The following SLC22A4 variants were observed in gnomAD, a reference collection of about 807,000 sequenced individuals.
SLC22A4 encodes solute carrier family 22 member 4, also known as ET transporter.
In SLC22A4, 39 loss-of-function variants were observed where a neutral mutation model predicts 56.6. That is an observed-to-expected ratio of 0.69 (90% confidence interval 0.53 to 0.90). The LOEUF (loss-of-function observed/expected upper bound fraction) is 0.90. Among genes scored for constraint, SLC22A4 ranks in the 40% least tolerant of loss-of-function variants. The pLI, the probability that SLC22A4 is intolerant of heterozygous loss-of-function variation, is 0.00. For synonymous variants in SLC22A4, 241 were observed against 281.4 expected, an observed-to-expected ratio of 0.86 and a Z score of 1.44; for missense variants, 594 against 696.5, an observed-to-expected ratio of 0.85 and a Z score of 1.66.
Position 132,335,920 on chromosome 5 carries a change from T to C in SLC22A4, c.1364T>C (p.Leu455Pro). Residue 455 changes from leucine (L) to proline (P), a missense_variant, in exon 8 of 10, where the codon CTG (leucine) becomes CCG (proline). Coordinates refer to ENST00000200652, the MANE Select transcript of SLC22A4 (RefSeq NM_003059.3). ...TTCACTGCTGAGCTCTACCCAACCC[T>C]GGTCAGGAACATGGCGGTGGGGGTC... ...YVFTAELYPTLVRNMAVGVTS... is the reference protein window; with the variant it reads ...YVFTAELYPTPVRNMAVGVTS... The C allele has an allele frequency of 1.9e-6, 3 of 1,614,134 alleles. No individual in the cohort carries two copies. Among genetic ancestry groups the C allele is most frequent in the Non-Finnish European group, 2.5e-6 (3 of 1,180,006 alleles).
intron 8 of SLC22A4, among the ~76,000 whole-genome samples, chr5:132,339,155 G>T (rs1295587100): frequency 3.9e-5 from 6 of 152,150 alleles, no homozygotes; most frequent in Non-Finnish European, 8.8e-5. Flanking sequence ...TCCTGCAACA[G>T]GTGTATTCAT....
intron 1 of SLC22A4, among the ~76,000 whole-genome samples, chr5:132,300,680 G>A (rs949758149): frequency 1.3e-5 from 2 of 152,158 alleles, no homozygotes; most frequent in African/African-American, 4.8e-5. Flanking sequence ...TCACTTTAAG[G>A]ATAGAGAATG....
chr5:132,299,158 C>T (rs1409917028), intron 1 of SLC22A4, among the ~76,000 whole-genome samples: 1 of 152,214 alleles, frequency 6.6e-6, no homozygotes, highest in African/African-American at 2.4e-5. Flanking sequence ...GAACTGCCCC[C>T]CAACACCTCT....
At chr5:132,334,351 G>C (rs1750954440) in intron 6 of SLC22A4, among the ~76,000 whole-genome samples, 1 of 152,138 alleles carries the variant, frequency 6.6e-6, no homozygotes. Context: ...AGATTGAGGA[G>C]GTACAAACTA....
At chr5:132,331,990 A>G in intron 6 of SLC22A4, 140 bp downstream of exon 6, 1 of 699,666 alleles carries the variant, frequency 1.4e-6, no homozygotes, top group South Asian at 1.5e-5. Flanking sequence ...ATTATTTTGA[A>G]ATGCCTCTAT....
intron 7 of SLC22A4, among the ~76,000 whole-genome samples, 158 bp from the exon 8 acceptor site, chr5:132,335,660 C>A (rs757158712): frequency 1.3e-5 from 2 of 152,092 alleles, no homozygotes; most frequent in Non-Finnish European, 2.9e-5. Flanking sequence ...TTTGTCCATG[C>A]CCAAATATTA....
In SLC22A4 at chr5:132,294,814, TGTC is replaced by T; in HGVS notation, c.199_201del (p.Val67del). ...TGAGCAGCGCCTGGCGCAACAACAG[TGTC>T]CCGCTGCGGCTGCGGGACGGCCGCG... On this transcript the variant is annotated inframe_deletion, in exon 1 of 10. Coordinates refer to ENST00000200652, the MANE Select transcript of SLC22A4 (RefSeq NM_003059.3). This position sits in a 1 kb window ranked among gnomAD's most constrained non-coding sequence, Gnocchi z 5.6. 1.9e-6 allele frequency: 3 copies of T among 1,612,056 alleles called. No individual in the cohort carries two copies. Among genetic ancestry groups the T allele is most frequent in the Non-Finnish European group, 2.5e-6 (3 of 1,179,508 alleles).
chr5:132,329,441 T>TTGAAGA (rs1417494146), intron 5 of SLC22A4, among the ~76,000 whole-genome samples: 1 of 150,764 alleles, frequency 6.6e-6, no homozygotes, highest in Non-Finnish European at 1.5e-5. Flanking sequence ...GCCTACCAAA[T>TTGAAGA]GCCAGGCACT....
At chr5:132,304,294 G>A (rs1471396577) in intron 1 of SLC22A4, among the ~76,000 whole-genome samples, 1 of 152,192 alleles carries the variant, frequency 6.6e-6, no homozygotes, top group Non-Finnish European at 1.5e-5. Flanking sequence ...CTAACAGCTG[G>A]GTGTGATACC....
At chr5:132,338,559 C>T (rs1751096982) in intron 8 of SLC22A4, among the ~76,000 whole-genome samples, 1 of 152,178 alleles carries the variant, frequency 6.6e-6, no homozygotes, top group African/African-American at 2.4e-5. Context: ...TATTTCATCC[C>T]TACAGCTACA....
chr5:132,298,657 A>C (rs1157491302), intron 1 of SLC22A4, among the ~76,000 whole-genome samples: 1 of 152,244 alleles, frequency 6.6e-6, no homozygotes, highest in South Asian at 2.1e-4. Flanking sequence ...AAGCCACCTT[A>C]TCTGAGTTGT....
At chr5:132,338,549 T>A (rs886208051) in intron 8 of SLC22A4, among the ~76,000 whole-genome samples, 1 of 152,166 alleles carries the variant, frequency 6.6e-6, no homozygotes, top group African/African-American at 2.4e-5. Context: ...GACTGGGGCT[T>A]ATTTCATCCC....
intron 8 of SLC22A4, among the ~76,000 whole-genome samples, chr5:132,340,091 A>C (rs1426404961): frequency 3.0e-5 from 2 of 67,014 alleles, no homozygotes; most frequent in African/African-American, 6.1e-5. Context: ...TTTTTTTTTG[A>C]GTCTCATAGC....
chr5:132,331,992 T>C lies in SLC22A4; in HGVS notation c.1046+142T>C. 8.6e-6 allele frequency: 6 copies of C among 698,144 alleles called. No individual in the cohort carries two copies. In the South Asian group the frequency reaches 9.1e-5, roughly 11 times the overall value. The allele number at this position is 698,144 out of a possible 1,614,324, so 43.2% of individuals were successfully genotyped here. A position where few individuals can be genotyped will look rare whatever the true frequency, so the allele number is the denominator to read the frequency against. On this transcript the variant is annotated intron_variant, in intron 6 of 9. Transcript: ENST00000200652. The stretch of plus-strand genomic sequence containing the variant: ...TATAAAATTCTAAATTATTTTGAAA[T>C]GCCTCTATTCAGTTCATGGGACTAG...
intron 1 of SLC22A4, among the ~76,000 whole-genome samples, chr5:132,301,995 G>A (rs775304439): frequency 6.6e-6 from 1 of 152,230 alleles, no homozygotes; most frequent in Non-Finnish European, 1.5e-5. Context: ...CCAGCCCGGC[G>A]AGACTTCTAT....
chr5:132,300,004 C>G (rs1366209547), intron 1 of SLC22A4, among the ~76,000 whole-genome samples: 1 of 152,176 alleles, frequency 6.6e-6, no homozygotes, highest in Non-Finnish European at 1.5e-5. Flanking sequence ...TCCAAAATCC[C>G]ATGTTGTATT....
intron 1 of SLC22A4, among the ~76,000 whole-genome samples, chr5:132,303,041 A>T (rs769960672): frequency 6.6e-6 from 1 of 152,258 alleles, no homozygotes; most frequent in Non-Finnish European, 1.5e-5. Flanking sequence ...ATGGGAGAAA[A>T]TATTGACAAA....
chr5:132,297,893 A>G (rs891103374), intron 1 of SLC22A4, among the ~76,000 whole-genome samples: 1 of 152,142 alleles, frequency 6.6e-6, no homozygotes, highest in Non-Finnish European at 1.5e-5. Flanking sequence ...GGTTGCAGTG[A>G]GCTATGACCA....
chr5:132,316,268 A>G (rs1296907765), intron 3 of SLC22A4, among the ~76,000 whole-genome samples: 1 of 152,216 alleles, frequency 6.6e-6, no homozygotes, highest in Non-Finnish European at 1.5e-5. Flanking sequence ...CCACAGTCGT[A>G]GCAGACTAGA....
Sources: allele counts gnomAD v4.1 joint callset (sites outside exome capture counted in the v4.1 genomes callset), GRCh38; gene constraint gnomAD v4.1.1; non-coding constraint Gnocchi (gnomAD v3.1); transcripts MANE v1.5; gene names NCBI Gene and HGNC (gene_info 2026-07-23, HGNC 2026-07-21).